EPC1: variants seen among roughly 807,000 people sequenced by gnomAD.
The protein encoded by EPC1 is enhancer of polycomb 1, also known as enhancer of polycomb homolog 1.
A neutral mutation model predicts 98.4 loss-of-function variants in EPC1; 12 were observed. That is an observed-to-expected ratio of 0.12 (90% CI 0.08 to 0.20). The LOEUF (loss-of-function observed/expected upper bound fraction) is 0.20, where lower values mean the gene tolerates loss of function less well. EPC1 is among the 10% of genes least tolerant of loss of function. The pLI is 1.00. For missense variants in EPC1, 729 were observed against 990.5 expected, an observed-to-expected ratio of 0.74 and a Z score of 3.54; for synonymous variants, 357 against 363.9, an observed-to-expected ratio of 0.98 and a Z score of 0.21.
At chr10:32,279,159 CCAATATGGTGAAA>C (rs1186424328) in intron 10 of EPC1, among the ~76,000 whole-genome samples, 1 of 151,860 alleles carries the variant, frequency 6.6e-6, no homozygotes, top group Non-Finnish European at 1.5e-5. Context: ...GACTGCCTGG[CCAATATGGTGAAA>C]CCCCGTCTCT....
intron 1 of EPC1, among the ~76,000 whole-genome samples, chr10:32,374,030 G>A (rs1839821115): frequency 6.6e-6 from 1 of 152,048 alleles, no homozygotes; most frequent in African/African-American, 2.4e-5. Flanking sequence ...AACCCACATA[G>A]AGATTCCTTA....
chr10:32,346,127 C>G (rs1204480398), intron 1 of EPC1, among the ~76,000 whole-genome samples: 2 of 152,184 alleles, frequency 1.3e-5, no homozygotes, highest in African/African-American at 4.8e-5. Context: ...TCCGGGCAAA[C>G]ACGCTGCACC....
chr10:32,312,872 A>T (rs537013255), intron 1 of EPC1, among the ~76,000 whole-genome samples: 4 of 152,356 alleles, frequency 2.6e-5, no homozygotes, highest in African/African-American at 9.6e-5. Flanking sequence ...GGTAAAGACA[A>T]GAAACAAAAT....
At chr10:32,343,190 TCATCC>T (rs1157573274) in intron 1 of EPC1, among the ~76,000 whole-genome samples, 1 of 152,168 alleles carries the variant, frequency 6.6e-6, no homozygotes, top group African/African-American at 2.4e-5. Flanking sequence ...ATTGTTTTCA[TCATCC>T]GTTACTTTAT....
At chr10:32,302,965 G>A (rs1457992534) in intron 2 of EPC1, among the ~76,000 whole-genome samples, 2 of 152,056 alleles carry the variant, frequency 1.3e-5, no homozygotes, top group Non-Finnish European at 2.9e-5. Flanking sequence ...AAAAATGGAT[G>A]AACCCTGCAA....
intron 6 of EPC1, among the ~76,000 whole-genome samples, chr10:32,290,505 A>AAAAAAAAAAAAAAAAAGAAAG (rs1554819136): frequency 1.0e-4 from 8 of 77,524 alleles, no homozygotes; most frequent in African/African-American, 4.4e-4. Flanking sequence ...AAAAAAAAAA[A>AAAAAAAAAAAAAAAAAGAAAG]AAAGAAAGAA....
At chr10:32,282,532 A>C (rs1448388600) in intron 10 of EPC1, 1 of 152,158 alleles carries the variant, frequency 6.6e-6, no homozygotes, top group Non-Finnish European at 1.5e-5. Context: ...TAAATAAATA[A>C]ATAGTTGTAT....
chr10:32,276,958 A>C (rs1186894702), intron 10 of EPC1, among the ~76,000 whole-genome samples: 2 of 152,112 alleles, frequency 1.3e-5, no homozygotes, highest in African/African-American at 4.8e-5. Context: ...AAAACCAAAA[A>C]ATTTTGAGGT....
intron 2 of EPC1, among the ~76,000 whole-genome samples, chr10:32,297,285 T>TC (rs1174539146): frequency 6.7e-6 from 1 of 150,102 alleles, no homozygotes; most frequent in Non-Finnish European, 1.5e-5. Flanking sequence ...AATAATTCTT[T>TC]TTTTTTTTTT....
intron 1 of EPC1, among the ~76,000 whole-genome samples, chr10:32,321,779 C>A (rs184375957): frequency 6.6e-6 from 1 of 152,114 alleles, no homozygotes; most frequent in East Asian, 1.9e-4. Context: ...ACCCTATGAT[C>A]TTTCTACTGT....
At chr10:32,350,716 G>T (rs1839087354), upstream of EPC1, among the ~76,000 whole-genome samples, 1 of 152,172 alleles carries the variant, frequency 6.6e-6, no homozygotes, top group Admixed American at 6.5e-5. Context: ...CAAGAAATGT[G>T]ATTTCTGTTC....
At chr10:32,269,745 G>T (rs1835749836) in intron 13 of EPC1, among the ~76,000 whole-genome samples, 1 of 152,230 alleles carries the variant, frequency 6.6e-6, no homozygotes, top group South Asian at 2.1e-4. Flanking sequence ...ATAGCTGACA[G>T]ATGAGCTATA....
At chr10:32,305,742 A>T in intron 2 of EPC1, 30 bp downstream of exon 2, 1 of 1,528,100 alleles carries the variant, frequency 6.5e-7, no homozygotes, top group Non-Finnish European at 8.7e-7. Context: ...AAATATAGAA[A>T]ATACAATCAT....
At chr10:32,360,616 G>A (rs1377157018) in intron 1 of EPC1, among the ~76,000 whole-genome samples, 1 of 152,182 alleles carries the variant, frequency 6.6e-6, no homozygotes, top group African/African-American at 2.4e-5. Flanking sequence ...GATCTCACAT[G>A]TATCAGGTGG....
At chr10:32,320,040 A>G (rs960539265) in intron 1 of EPC1, among the ~76,000 whole-genome samples, 2 of 152,164 alleles carry the variant, frequency 1.3e-5, no homozygotes, top group Non-Finnish European at 2.9e-5. Context: ...ATGGTTTGGG[A>G]AAAACATATG....
intron 1 of EPC1, among the ~76,000 whole-genome samples, chr10:32,374,846 A>C (rs1462414236): frequency 2.6e-5 from 4 of 152,126 alleles, no homozygotes; most frequent in Non-Finnish European, 5.9e-5. Flanking sequence ...GATACATAAT[A>C]GATGGGGGAA....
exon 1 of EPC1, chr10:32,378,629 A>G: frequency 1.6e-6 from 1 of 608,190 alleles, no homozygotes; most frequent in Non-Finnish European, 2.8e-6. Context: ...GGTAAATAAA[A>G]AGTAATACTT....
chr10:32,352,886 T>C (rs943075395), intron 1 of EPC1, among the ~76,000 whole-genome samples: 6 of 152,176 alleles, frequency 3.9e-5, no homozygotes, highest in Admixed American at 6.5e-5. Context: ...CCAGACACAG[T>C]GGCTCACACC....
chr10:32,312,242 G>A (rs774149918), intron 1 of EPC1, among the ~76,000 whole-genome samples: 17 of 152,128 alleles, frequency 1.1e-4, no homozygotes, highest in Non-Finnish European at 1.9e-4. Context: ...GAGCAATAGC[G>A]GCTGCAGGGT....
Sources: gnomAD v4.1 joint callset for allele counts (sites outside exome capture counted in the v4.1 genomes callset) on GRCh38, gnomAD v4.1.1 for gene constraint, MANE v1.5 for transcripts, NCBI Gene and HGNC (gene_info 2026-07-23, HGNC 2026-07-21) for gene names.